The following DCDC1 variants were observed in gnomAD, a reference collection of about 807,000 sequenced individuals.
DCDC1 encodes the protein doublecortin domain containing 1.
Under a neutral mutation model 178.3 loss-of-function variants are expected in DCDC1, and 200 were observed. The ratio of observed to expected loss-of-function variants is 1.12; its 90% confidence interval spans 1.00 to 1.26. DCDC1 has a LOEUF of 1.26. Among genes scored for constraint, DCDC1 ranks in the 50% most tolerant of loss-of-function variants. The probability of loss-of-function intolerance (pLI) is 0.00; values close to 1 mark genes in which losing one functional copy is unlikely to be tolerated. For missense variants in DCDC1, 1,983 were observed against 1,749.2 expected, an observed-to-expected ratio of 1.13 and a Z score of -2.38; for synonymous variants, 690 against 604.8, an observed-to-expected ratio of 1.14 and a Z score of -2.07.
At chr11:30,960,654 A>G (rs902484066) in intron 20 of DCDC1, among the ~76,000 whole-genome samples, 1 of 152,204 alleles carries the variant, frequency 6.6e-6, no homozygotes, top group East Asian at 1.9e-4. Context: ...ACTTGCTTCT[A>G]TTTAATATTT....
In DCDC1 at chr11:31,177,865, C is replaced by A. The variant is rs1478307218; in HGVS notation, c.1222-40081G>T. 2.6e-5 allele frequency among the ~76,000 whole-genome samples: 4 copies of A among 152,116 alleles called. 1 individual carries two copies. The highest frequency in any genetic ancestry group is 5.9e-5 in the Non-Finnish European group (4 of 68,006). ...AATACATCCAACACTGGAGCCCCCA[C>A]ATATGTAAAGCAAATATTACTAGAT... is the stretch of plus-strand genomic sequence containing the variant. On this transcript the variant is annotated intron_variant, in intron 9 of 38. Transcript: ENST00000684477.
chr11:31,367,548 T>A (rs769767428), intron 1 of DCDC1, among the ~76,000 whole-genome samples: 3 of 152,216 alleles, frequency 2.0e-5, no homozygotes, highest in Non-Finnish European at 2.9e-5. Flanking sequence ...ACTTGAATGC[T>A]AGGTTAAGGA....
At chr11:31,100,664 T>A (rs181991283) in intron 15 of DCDC1, among the ~76,000 whole-genome samples, 1 of 152,292 alleles carries the variant, frequency 6.6e-6, no homozygotes, top group East Asian at 1.9e-4. Flanking sequence ...TTGATTAGCC[T>A]GACTGTAATG....
chr11:31,250,450 G>A (rs1263153637), intron 8 of DCDC1, among the ~76,000 whole-genome samples: 10 of 104,250 alleles, frequency 9.6e-5, no homozygotes, highest in Admixed American at 9.4e-4. Flanking sequence ...ATATATCCCT[G>A]CCTGGGGCTT....
At chr11:31,183,390 C>T (rs1412544942) in intron 9 of DCDC1, among the ~76,000 whole-genome samples, 1 of 152,164 alleles carries the variant, frequency 6.6e-6, no homozygotes, top group African/African-American at 2.4e-5. Context: ...TCATAACAAA[C>T]AGTCTCTCAG....
At chr11:31,238,218 T>TC (rs1976681999) in intron 9 of DCDC1, among the ~76,000 whole-genome samples, 3 of 152,100 alleles carry the variant, frequency 2.0e-5, no homozygotes, top group Non-Finnish European at 4.4e-5. Flanking sequence ...CATTTGTACT[T>TC]AACACTGCCC....
chr11:31,142,674 GT>G (rs1480323334), intron 9 of DCDC1, among the ~76,000 whole-genome samples: 4 of 152,020 alleles, frequency 2.6e-5, no homozygotes, highest in Non-Finnish European at 5.9e-5. Flanking sequence ...TAATTTAAAT[GT>G]TTTTTAAATT....
At chr11:31,347,631 C>A (rs768441421) in intron 1 of DCDC1, among the ~76,000 whole-genome samples, 6 of 152,096 alleles carry the variant, frequency 3.9e-5, no homozygotes, top group Non-Finnish European at 8.8e-5. Flanking sequence ...CTATATGTAT[C>A]CTGCGTTACA....
At chr11:31,291,179 A>G (rs1947206703) in intron 6 of DCDC1, among the ~76,000 whole-genome samples, 1 of 152,050 alleles carries the variant, frequency 6.6e-6, no homozygotes, top group Non-Finnish European at 1.5e-5. Flanking sequence ...GAAAGGGTCT[A>G]TTGAAAATAT....
At chr11:31,096,297 A>G (rs984579303) in intron 15 of DCDC1, among the ~76,000 whole-genome samples, 2 of 152,126 alleles carry the variant, frequency 1.3e-5, no homozygotes, top group Non-Finnish European at 2.9e-5. Flanking sequence ...GATAAACTAC[A>G]TTGTACTAAT....
In DCDC1 at chr11:30,931,698, A is replaced by G. The variant is rs566963685; in HGVS notation, c.2897+73T>C. The G allele has an allele frequency of 1.1e-5, 15 of 1,405,746 alleles. No individual in the cohort carries two copies. The East Asian group carries it at 3.5e-4, about 32-fold the overall frequency. The allele number at this position is 1,405,746 out of a possible 1,614,324, so 87.1% of individuals were successfully genotyped here. A position where few individuals can be genotyped will look rare whatever the true frequency, so the allele number is the denominator to read the frequency against. ...AAATACAGAATTCCCACAGAAAAAC[A>G]TCCATAATTAAGAACACAAAATCTG... On this transcript the variant is annotated intron_variant, in intron 22 of 38. Coordinates refer to ENST00000684477, the MANE Select transcript of DCDC1 (RefSeq NM_001387274.1).
At chr11:31,327,770 C>G (rs2137856748) in intron 3 of DCDC1, among the ~76,000 whole-genome samples, 1 of 152,196 alleles carries the variant, frequency 6.6e-6, no homozygotes, top group South Asian at 2.1e-4. Flanking sequence ...CTCTGTCGCC[C>G]AGGCTAGAGT....
chr11:30,903,518 C>T lies in DCDC1; in HGVS notation c.4474G>A (p.Val1492Ile), dbSNP rs758802854. ...SEKQKQDAAP[V>I]GKEQIIVESM... ...TCAACAATTATCTGTTCTTTTCCAACAGGAGCTGCATCTTGCTTTTGTTTC... is the reference window on the plus strand; with the variant it reads ...TCAACAATTATCTGTTCTTTTCCAATAGGAGCTGCATCTTGCTTTTGTTTC... Residue 1492 changes from valine to isoleucine, a missense_variant, in exon 32 of 39, where the codon GTT becomes ATT. Transcript: ENST00000684477. The T allele has an allele frequency of 7.5e-6, 12 of 1,602,790 alleles. No homozygotes were observed. The Admixed American group carries it at 1.9e-4, about 25-fold the overall frequency.
At chr11:31,075,896 T>C (rs912373346) in intron 18 of DCDC1, among the ~76,000 whole-genome samples, 1 of 152,146 alleles carries the variant, frequency 6.6e-6, no homozygotes, top group African/African-American at 2.4e-5. Flanking sequence ...TTGTTGCCCA[T>C]ACTGGAGTGC....
At chr11:31,118,337 AAAC>A (rs1960279323) in intron 11 of DCDC1, among the ~76,000 whole-genome samples, 1 of 152,178 alleles carries the variant, frequency 6.6e-6, no homozygotes, top group Non-Finnish European at 1.5e-5. Context: ...ATCTATAATA[AAAC>A]ATTTATATTT....
In DCDC1 at chr11:31,110,301, C is replaced by T; in HGVS notation, c.1546G>A (p.Gly516Arg). The change falls in exon 12 of 39, where the codon GGA becomes AGA. Residue 516 changes from glycine to arginine, a missense_variant. Coordinates refer to ENST00000684477, the MANE Select transcript of DCDC1 (RefSeq NM_001387274.1). ...TCAGTTTGAATTGGGCTATCCGATC[C>T]CAAATCTTTTTTACTGATACCAACA... is the stretch of plus-strand genomic sequence containing the variant. Reference protein sequence around the residue: ...ISVGISKKDLGSDSPIQTDHM... With the variant: ...ISVGISKKDLRSDSPIQTDHM... 1.4e-6 allele frequency: 1 copy of T among 713,730 alleles called. No individual in the cohort carries two copies. The allele number at this position is 713,730 out of a possible 1,614,324, so 44.2% of individuals were successfully genotyped here.
intron 36 of DCDC1, among the ~76,000 whole-genome samples, chr11:30,890,470 G>A (rs949766661): frequency 6.6e-6 from 1 of 152,130 alleles, no homozygotes; most frequent in African/African-American, 2.4e-5. Flanking sequence ...GTAGAGCCTT[G>A]TCTGCCACCC....
At chr11:31,334,778 G>A (rs192198185) in intron 2 of DCDC1, among the ~76,000 whole-genome samples, 9 of 152,218 alleles carry the variant, frequency 5.9e-5, no homozygotes, top group East Asian at 3.9e-4. Context: ...TGGAAACTTC[G>A]TCCCAGAGGG....
At chr11:30,941,248 A>G (rs977529205) in intron 21 of DCDC1, among the ~76,000 whole-genome samples, 1 of 152,040 alleles carries the variant, frequency 6.6e-6, no homozygotes, top group Non-Finnish European at 1.5e-5. Context: ...ATTTTACTCT[A>G]TTGTCATAAT....
Sources: allele counts gnomAD v4.1 joint callset (sites outside exome capture counted in the v4.1 genomes callset), GRCh38; gene constraint gnomAD v4.1.1; transcripts MANE v1.5; gene names NCBI Gene and HGNC (gene_info 2026-07-23, HGNC 2026-07-21).